CPNE8: variants seen among roughly 807,000 people sequenced by gnomAD.
CPNE8 encodes copine 8.
CPNE8 carries 45 observed loss-of-function variants against 81.5 expected under a neutral mutation model. That is an observed-to-expected ratio of 0.55 (90% CI 0.44 to 0.71). The LOEUF is 0.71. CPNE8 is among the 30% of genes least tolerant of loss of function. CPNE8 has a pLI of 0.00. For synonymous variants in CPNE8, 252 were observed against 226.3 expected, an observed-to-expected ratio of 1.11 and a Z score of -1.02; for missense variants, 594 against 672.1, an observed-to-expected ratio of 0.88 and a Z score of 1.28.
intron 1 of CPNE8, among the ~76,000 whole-genome samples, chr12:38,893,647 TA>T (rs1944344290): frequency 6.6e-6 from 1 of 152,206 alleles, no homozygotes; most frequent in Non-Finnish European, 1.5e-5. Flanking sequence ...AGACTCACCC[TA>T]AATTCTTTCT....
rs1348290156 is a variant in CPNE8, at chr12:38,654,060, A to G, written c.1517T>C (p.Phe506Ser). ...TCCACTTCTGTCAATATAATCCCTGAATGGCACAAACTAAAACAGAGACGA... is the reference window on the plus strand; with the variant it reads ...TCCACTTCTGTCAATATAATCCCTGGATGGCACAAACTAAAACAGAGACGA... The part of the protein sequence containing the change: ...AERDIVQFVP[F>S]RDYIDRSGNH... Residue 506 changes from phenylalanine to serine, a missense_variant, in exon 20 of 20, where the codon TTC becomes TCC. Phe to Ser is a radical substitution (Grantham distance 155). Coordinates refer to ENST00000331366, the MANE Select transcript of CPNE8 (RefSeq NM_153634.3). The G allele has an allele frequency of 6.2e-7, 1 of 1,602,242 alleles. No individual in the cohort carries two copies. The highest frequency in any genetic ancestry group is 8.5e-7 in the Non-Finnish European group (1 of 1,174,520).
intron 6 of CPNE8, among the ~76,000 whole-genome samples, chr12:38,799,787 C>T (rs1469836707): frequency 1.3e-4 from 19 of 141,052 alleles, no homozygotes; most frequent in Middle Eastern, 3.6e-3. Context: ...TGGGCGCAGG[C>T]CAGTGTGTGC....
At chr12:38,796,610 G>T (rs986176049) in intron 6 of CPNE8, among the ~76,000 whole-genome samples, 8 of 152,128 alleles carry the variant, frequency 5.3e-5, no homozygotes, top group Non-Finnish European at 1.0e-4. Flanking sequence ...AGCTCCCAGC[G>T]TGAGTGACGC....
chr12:38,709,903 T>G (rs1940207377), intron 13 of CPNE8, among the ~76,000 whole-genome samples: 2 of 152,164 alleles, frequency 1.3e-5, no homozygotes, highest in Non-Finnish European at 1.5e-5. Context: ...ACTTTGACTT[T>G]TGCCTTATTT....
chr12:38,782,875 T>A (rs1464944145), intron 6 of CPNE8, among the ~76,000 whole-genome samples: 1 of 152,040 alleles, frequency 6.6e-6, no homozygotes, highest in Admixed American at 6.6e-5. Flanking sequence ...AGACAGGGTC[T>A]CACTATGTTG....
intron 6 of CPNE8, among the ~76,000 whole-genome samples, chr12:38,799,441 T>C (rs1001666413): frequency 2.6e-5 from 4 of 152,116 alleles, no homozygotes; most frequent in African/African-American, 9.7e-5. Flanking sequence ...TGCTCCTGAA[T>C]GACTACTGGG....
chr12:38,797,141 G>A (rs554634754), intron 6 of CPNE8, among the ~76,000 whole-genome samples: 1 of 152,192 alleles, frequency 6.6e-6, no homozygotes. Flanking sequence ...CAAAAAGACA[G>A]CAGTAACCTC....
intron 1 of CPNE8, among the ~76,000 whole-genome samples, chr12:38,891,686 A>G (rs1272897353): frequency 6.6e-6 from 1 of 152,148 alleles, no homozygotes; most frequent in Non-Finnish European, 1.5e-5. Flanking sequence ...ACCTCATGTG[A>G]TCCGTCCGCC....
At chr12:38,735,724 C>A (rs1475643199) in intron 10 of CPNE8, among the ~76,000 whole-genome samples, 2 of 151,826 alleles carry the variant, frequency 1.3e-5, no homozygotes, top group African/African-American at 4.8e-5. Context: ...AGAAATATGA[C>A]CTTTCAGTAT....
chr12:38,671,043 C>CTCTGGGTCTA (rs1939163468), intron 18 of CPNE8: 7 of 413,334 alleles, frequency 1.7e-5, no homozygotes, highest in Non-Finnish European at 4.3e-6. Flanking sequence ...CAGAGCCAGT[C>CTCTGGGTCTA]TCTGGGTCTA....
chr12:38,864,468 GA>G (rs531484817), intron 3 of CPNE8, among the ~76,000 whole-genome samples: 9 of 144,888 alleles, frequency 6.2e-5, no homozygotes, highest in East Asian at 2.0e-4. Context: ...TAAAGAAGAA[GA>G]AAAAAAAAAC....
intron 15 of CPNE8, among the ~76,000 whole-genome samples, chr12:38,693,087 G>T (rs1288084038): frequency 6.6e-6 from 1 of 152,160 alleles, no homozygotes; most frequent in African/African-American, 2.4e-5. Context: ...CAGCTTTTCA[G>T]CTATCCAAGC....
At chr12:38,805,774 T>A (rs1192051199) in intron 6 of CPNE8, among the ~76,000 whole-genome samples, 5 of 131,002 alleles carry the variant, frequency 3.8e-5, no homozygotes, top group Admixed American at 7.5e-5. Context: ...CTGAAGGAAA[T>A]AGAGACACAA....
At chr12:38,901,938 A>G (rs1229759702) in intron 1 of CPNE8, among the ~76,000 whole-genome samples, 1 of 152,142 alleles carries the variant, frequency 6.6e-6, no homozygotes, top group Non-Finnish European at 1.5e-5. Flanking sequence ...TTACATTTTC[A>G]GAGAACTTCT....
At position 38,746,692 on chromosome 12, in the gene CPNE8, C is replaced by T. The variant is rs186930988; in HGVS notation, c.722+14155G>A. ...TTTCAGTTTAAGGACCAAAAACTAA[C>T]ATACATTGGAGATGCTAACAGGAAC... On this transcript the variant is annotated intron_variant, in intron 10 of 19. Coordinates refer to ENST00000331366, the MANE Select transcript of CPNE8 (RefSeq NM_153634.3). Among the ~76,000 whole-genome samples the T allele has an allele frequency of 3.3e-4, 51 of 152,292 alleles. No individual in the cohort carries two copies. In the East Asian group the frequency reaches 6.7e-3, roughly 20 times the overall value.
At chr12:38,666,782 T>A (rs947582229) in intron 19 of CPNE8, among the ~76,000 whole-genome samples, 1 of 152,188 alleles carries the variant, frequency 6.6e-6, no homozygotes, top group Non-Finnish European at 1.5e-5. Context: ...ACAGAATACA[T>A]GTTAAGAATC....
At chr12:38,658,317 TAATG>T in intron 19 of CPNE8, among the ~76,000 whole-genome samples, 1 of 151,968 alleles carries the variant, frequency 6.6e-6, no homozygotes, top group Admixed American at 6.6e-5. Flanking sequence ...AAGATCAAAT[TAATG>T]AAATAAAGCA....
At chr12:38,675,691 A>T (rs1423570663) in intron 18 of CPNE8, 26 bp downstream of exon 18, 1 of 1,405,018 alleles carries the variant, frequency 7.1e-7, no homozygotes, top group Non-Finnish European at 1.0e-6. Context: ...ACTCCCAAGG[A>T]ATATTATTGA....
At chr12:38,840,164 A>G (rs1565643503) in intron 4 of CPNE8, among the ~76,000 whole-genome samples, 1 of 152,150 alleles carries the variant, frequency 6.6e-6, no homozygotes, top group Non-Finnish European at 1.5e-5. Context: ...TTCATTTCTA[A>G]ACACCTAACA....
Sources: allele counts gnomAD v4.1 joint callset (sites outside exome capture counted in the v4.1 genomes callset), GRCh38; gene constraint gnomAD v4.1.1; transcripts MANE v1.5; gene names NCBI Gene and HGNC (gene_info 2026-07-23, HGNC 2026-07-21).